The following NKAIN2 variants were observed in gnomAD, a reference collection of about 807,000 sequenced individuals.
NKAIN2 encodes sodium/potassium transporting ATPase interacting 2.
A neutral mutation model predicts 32.6 loss-of-function variants in NKAIN2; 14 were observed. That is an observed-to-expected ratio of 0.43 (90% CI 0.28 to 0.67). The LOEUF (loss-of-function observed/expected upper bound fraction) is 0.67. NKAIN2 is among the 30% of genes least tolerant of loss of function. The pLI is 0.17. For synonymous variants in NKAIN2, 80 were observed against 87.2 expected (o/e 0.92, Z 0.46); for missense variants, 198 against 258.3 (o/e 0.77, Z 1.60).
At chr6:124,570,569 C>G (rs1429375434) in intron 3 of NKAIN2, among the ~76,000 whole-genome samples, 1 of 152,202 alleles carries the variant, frequency 6.6e-6, no homozygotes, top group Non-Finnish European at 1.5e-5. Context: ...CAGGCATTGG[C>G]AGCTTCTACG....
rs766317795 is a variant in NKAIN2, at chr6:123,915,358, T to C, written c.54+111104T>C. On this transcript the variant is annotated intron_variant, in intron 1 of 6. Coordinates refer to ENST00000368417, the MANE Select transcript of NKAIN2 (RefSeq NM_001040214.3). ...CTTGATTGCCATCTTGATAGGACTTTTGTCTGCCCACTCCCCCACAACAAC... is the reference window on the plus strand; with the variant it reads ...CTTGATTGCCATCTTGATAGGACTTCTGTCTGCCCACTCCCCCACAACAAC... 8.5e-4 allele frequency among the ~76,000 whole-genome samples: 130 copies of C among 152,138 alleles called. 1 individual carries two copies. The highest frequency in any genetic ancestry group is 4.1e-4 in the Non-Finnish European group (28 of 68,020).
At chr6:124,487,601 G>A (rs1777702443) in intron 3 of NKAIN2, among the ~76,000 whole-genome samples, 1 of 152,114 alleles carries the variant, frequency 6.6e-6, no homozygotes, top group African/African-American at 2.4e-5. Context: ...AGCTGTAATT[G>A]TTAGTAACTT....
chr6:124,388,202 A>G (rs1332215912), intron 3 of NKAIN2, among the ~76,000 whole-genome samples: 1 of 151,660 alleles, frequency 6.6e-6, no homozygotes, highest in African/African-American at 2.4e-5. Flanking sequence ...AACCCTGCTT[A>G]CCCTCTTGTT....
intron 3 of NKAIN2, among the ~76,000 whole-genome samples, chr6:124,497,824 T>A (rs1422897457): frequency 2.4e-3 from 253 of 105,574 alleles, no homozygotes; most frequent in Middle Eastern, 5.4e-3. Flanking sequence ...GAGTAAGGGG[T>A]AAAAAAAAAA....
At chr6:124,233,214 T>C (rs1338325512) in intron 1 of NKAIN2, among the ~76,000 whole-genome samples, 1 of 152,056 alleles carries the variant, frequency 6.6e-6, no homozygotes, top group African/African-American at 2.4e-5. Flanking sequence ...AAAGACAAAG[T>C]TACCTTTTAG....
intron 1 of NKAIN2, among the ~76,000 whole-genome samples, chr6:124,050,132 GCTA>G (rs1483075395): frequency 6.6e-6 from 1 of 151,782 alleles, no homozygotes; most frequent in African/African-American, 2.4e-5. Context: ...ATATGGGGGA[GCTA>G]CTATCAATAT....
At chr6:124,622,608 G>A (rs546474058) in intron 3 of NKAIN2, among the ~76,000 whole-genome samples, 13 of 152,298 alleles carry the variant, frequency 8.5e-5, no homozygotes, top group Non-Finnish European at 1.8e-4. Flanking sequence ...CGTCTGGGAA[G>A]AATTGGATCA....
chr6:123,974,582 T>C (rs550335936), intron 1 of NKAIN2, among the ~76,000 whole-genome samples: 3 of 152,254 alleles, frequency 2.0e-5, no homozygotes, highest in Non-Finnish European at 4.4e-5. Flanking sequence ...GTGAGCCTGC[T>C]GTATTGGCAC....
chr6:124,169,347 C>G (rs1257469878), intron 1 of NKAIN2, among the ~76,000 whole-genome samples: 5 of 152,076 alleles, frequency 3.3e-5, no homozygotes, highest in African/African-American at 1.2e-4. Flanking sequence ...GCTCTTTTCA[C>G]AAGTTTATCT....
chr6:123,908,509 T>C (rs966287380), intron 1 of NKAIN2, among the ~76,000 whole-genome samples: 19 of 152,218 alleles, frequency 1.2e-4, no homozygotes, highest in Non-Finnish European at 2.5e-4. Context: ...TTCAAAGTTC[T>C]AACTTTGTGT....
chr6:124,634,049 AAG>A (rs1783676820), intron 3 of NKAIN2, among the ~76,000 whole-genome samples: 1 of 152,282 alleles, frequency 6.6e-6, no homozygotes, highest in African/African-American at 2.4e-5. Context: ...CACAGAACAA[AAG>A]CCAAAGCACT....
chr6:123,894,926 C>T (rs1255259595), intron 1 of NKAIN2, among the ~76,000 whole-genome samples: 1 of 152,032 alleles, frequency 6.6e-6, no homozygotes, highest in East Asian at 1.9e-4. Context: ...AAAAGATCCT[C>T]TCAAGTTACC....
chr6:124,099,306 T>A, intron 1 of NKAIN2, among the ~76,000 whole-genome samples: 1 of 152,166 alleles, frequency 6.6e-6, no homozygotes, highest in East Asian at 1.9e-4. Context: ...TGATTAGAAG[T>A]ATCAGGAATT....
intron 1 of NKAIN2, among the ~76,000 whole-genome samples, chr6:124,042,262 A>G (rs1178574353): frequency 6.6e-6 from 1 of 152,068 alleles, no homozygotes; most frequent in Non-Finnish European, 1.5e-5. Context: ...AATTGTTGCC[A>G]TAGTGTTTGA....
At chr6:124,126,622 C>T (rs1786179228) in intron 1 of NKAIN2, among the ~76,000 whole-genome samples, 3 of 152,096 alleles carry the variant, frequency 2.0e-5, no homozygotes, top group Non-Finnish European at 4.4e-5. Flanking sequence ...CCCAATCCTT[C>T]ATTACAGAGA....
chr6:124,148,115 A>G (rs922445538), intron 1 of NKAIN2, among the ~76,000 whole-genome samples: 1 of 151,896 alleles, frequency 6.6e-6, no homozygotes, highest in Non-Finnish European at 1.5e-5. Flanking sequence ...GATTTTCATT[A>G]TTTCATTTAT....
chr6:124,066,198 GGTTAACTTCTTAGTCT>G lies in NKAIN2; in HGVS notation c.55-216790_55-216775del, dbSNP rs1382616967. The stretch of plus-strand genomic sequence containing the variant: ...TACCTCATTGAGAATTATGTATAAG[GGTTAACTTCTTAGTCT>G]GTTAACTTCTTAGTCTCTCCCTTTT... On this transcript the variant is annotated intron_variant, in intron 1 of 6. Coordinates refer to ENST00000368417, the MANE Select transcript of NKAIN2 (RefSeq NM_001040214.3). 2.1e-4 allele frequency among the ~76,000 whole-genome samples: 32 copies of G among 151,898 alleles called. No homozygotes were observed. The Middle Eastern group carries it at 0.01, about 48-fold the overall frequency.
intron 1 of NKAIN2, among the ~76,000 whole-genome samples, chr6:123,869,386 G>A (rs527841284): frequency 6.6e-6 from 1 of 152,292 alleles, no homozygotes; most frequent in Non-Finnish European, 1.5e-5. Flanking sequence ...AACAGAATGA[G>A]TGGGTTTCCT....
At chr6:123,822,349 A>G (rs970460766) in intron 1 of NKAIN2, among the ~76,000 whole-genome samples, 2 of 152,236 alleles carry the variant, frequency 1.3e-5, no homozygotes, top group African/African-American at 4.8e-5. Context: ...TATTAGAATT[A>G]TACATTCTGG....
Sources: gnomAD v4.1 joint callset for allele counts (sites outside exome capture counted in the v4.1 genomes callset) on GRCh38, gnomAD v4.1.1 for gene constraint, MANE v1.5 for transcripts, NCBI Gene and HGNC (gene_info 2026-07-23, HGNC 2026-07-21) for gene names.